F13B: variants seen among roughly 807,000 people sequenced by gnomAD.
The protein encoded by F13B is TGase.
A neutral mutation model predicts 79.8 loss-of-function variants in F13B; 58 were observed. That is an observed-to-expected ratio of 0.73 (90% CI 0.59 to 0.90). F13B has a LOEUF of 0.90. F13B is among the 40% of genes least tolerant of loss of function. The pLI, the probability that F13B is intolerant of heterozygous loss-of-function variation, is 0.00. For missense variants in F13B, 773 were observed against 777.0 expected, an observed-to-expected ratio of 0.99 and a Z score of 0.06; for synonymous variants, 283 against 260.3, an observed-to-expected ratio of 1.09 and a Z score of -0.84.
intron 1 of F13B, among the ~76,000 whole-genome samples, chr1:197,066,605 T>C (rs1321321614): frequency 2.6e-5 from 4 of 152,154 alleles, no homozygotes; most frequent in African/African-American, 9.7e-5. Context: ...CCTCTTTTAC[T>C]CTCTAAGTGT....
intron 1 of F13B, among the ~76,000 whole-genome samples, chr1:197,064,811 G>C (rs1655991844): frequency 6.6e-6 from 1 of 152,146 alleles, no homozygotes. Flanking sequence ...AGAAAGAAAT[G>C]CTCGAACAAT....
chr1:197,050,944 G>T, intron 9 of F13B, 65 bp from the exon 10 acceptor site: 1 of 1,361,084 alleles, frequency 7.3e-7, no homozygotes. Context: ...CTTTATAAGT[G>T]CTACAGAGAC....
At chr1:197,056,535 T>A (rs376280123) in intron 7 of F13B, among the ~76,000 whole-genome samples, 3 of 152,188 alleles carry the variant, frequency 2.0e-5, no homozygotes, top group East Asian at 3.9e-4. Context: ...CAGAAGGGCA[T>A]AAGGTTCAGA....
At position 197,052,646 on chromosome 1, in the gene F13B, A is replaced by G. The variant is rs192867209; in HGVS notation, c.1543T>C (p.Cys515Arg). The G allele has an allele frequency of 1.2e-5, 20 of 1,609,230 alleles. No homozygotes were observed. Among genetic ancestry groups the G allele is most frequent in the Non-Finnish European group, 1.6e-5 (19 of 1,176,802 alleles). Reference protein sequence around the residue: ...CNRGEVKYPLCTRKESKGMCT... With the variant: ...CNRGEVKYPLRTRKESKGMCT... ...ATTATTATTTTACCTTTTCTAGTAC[A>G]TAAAGGATATTTCACTTCTCCTCTG... Residue 515 changes from cysteine to arginine, a missense_variant, in exon 9 of 12, where the codon TGT (cysteine) becomes CGT (arginine). Transcript: ENST00000367412.
intron 10 of F13B, among the ~76,000 whole-genome samples, chr1:197,042,350 GT>G (rs1354707587): frequency 6.6e-6 from 1 of 152,096 alleles, no homozygotes; most frequent in Non-Finnish European, 1.5e-5. Context: ...AAATTTAAAA[GT>G]TGATTCATGG....
intron 8 of F13B, among the ~76,000 whole-genome samples, chr1:197,055,128 C>A (rs2125066405): frequency 6.6e-6 from 1 of 152,012 alleles, no homozygotes; most frequent in African/African-American, 2.4e-5. Context: ...ACCTCTGCAT[C>A]ATATCATAGC....
chr1:197,039,941 C>T (rs1033701498), intron 11 of F13B, among the ~76,000 whole-genome samples: 2 of 151,834 alleles, frequency 1.3e-5, no homozygotes, highest in South Asian at 4.2e-4. Context: ...ATAGTGTCTT[C>T]AAAAAGGGTT....
At chr1:197,049,148 C>A (rs993848025) in intron 10 of F13B, among the ~76,000 whole-genome samples, 9 of 151,702 alleles carry the variant, frequency 5.9e-5, no homozygotes, top group African/African-American at 1.9e-4. Flanking sequence ...TTTTTAAATT[C>A]ATGTATTAGA....
At chr1:197,066,608 C>T (rs1034410129) in intron 1 of F13B, among the ~76,000 whole-genome samples, 14 of 152,166 alleles carry the variant, frequency 9.2e-5, no homozygotes, top group African/African-American at 3.1e-4. Context: ...CTTTTACTCT[C>T]TAAGTGTCCC....
In F13B at chr1:197,039,339, G is replaced by C; in HGVS notation, c.*39C>G. On this transcript the variant is annotated 3_prime_UTR_variant, in exon 12 of 12. Transcript: ENST00000367412. ...AATTATATTTTATAAGGAATTTCATGATGTATTGAAATATGACTCCTCTTT... is the reference window on the plus strand; with the variant it reads ...AATTATATTTTATAAGGAATTTCATCATGTATTGAAATATGACTCCTCTTT... 6.6e-7 allele frequency: 1 copy of C among 1,509,188 alleles called. No homozygotes were observed. Among genetic ancestry groups the C allele is most frequent in the Non-Finnish European group, 9.2e-7 (1 of 1,088,720 alleles). The allele number at this position is 1,509,188 out of a possible 1,614,324, so 93.5% of individuals were successfully genotyped here.
intron 10 of F13B, among the ~76,000 whole-genome samples, chr1:197,041,315 A>G (rs946811540): frequency 2.0e-5 from 3 of 152,212 alleles, no homozygotes; most frequent in Admixed American, 6.5e-5. Flanking sequence ...CTAAGCATAC[A>G]AAGTATAGTT....
intron 10 of F13B, among the ~76,000 whole-genome samples, chr1:197,045,069 A>G (rs1655178831): frequency 1.3e-5 from 2 of 152,188 alleles, no homozygotes; most frequent in Admixed American, 6.5e-5. Context: ...AAGATCTAAA[A>G]TCGACACCCT....
At chr1:197,054,807 G>A (rs1278108055) in intron 8 of F13B, among the ~76,000 whole-genome samples, 2 of 151,900 alleles carry the variant, frequency 1.3e-5, no homozygotes, top group Non-Finnish European at 2.9e-5. Flanking sequence ...TTCACTTATG[G>A]TAGGGTTAAC....
intron 1 of F13B, among the ~76,000 whole-genome samples, chr1:197,063,763 TAC>T (rs1655953860): frequency 6.6e-6 from 1 of 152,200 alleles, no homozygotes. Context: ...GAAAATATTT[TAC>T]ATTCTTTTTT....
chr1:197,052,960 T>G (rs57571987), intron 8 of F13B, 126 bp from the exon 9 acceptor site: 1 of 549,816 alleles, frequency 1.8e-6, no homozygotes, highest in African/African-American at 2.1e-5. Flanking sequence ...TAATTAAGGC[T>G]TCTCTCACAC....
chr1:197,040,963 G>A (rs1225059958), intron 10 of F13B, among the ~76,000 whole-genome samples: 4 of 151,236 alleles, frequency 2.6e-5, no homozygotes, highest in African/African-American at 4.9e-5. Flanking sequence ...TTGGAGAAAA[G>A]GTATTTTCTT....
In F13B at chr1:197,061,902, T is replaced by C. The variant is rs5992; in HGVS notation, c.333A>G (p.Gln111=). ...ISDVKLLYKI[Q]ENMRYGCASG... is the part of the protein sequence containing the mutation. ...AAGCGCAACCATAACGCATGTTCTC[T>C]TGAATTTTATACAATAACTTTACAT... Residue 111 remains glutamine (Q), a synonymous_variant, in exon 3 of 12, where the codon CAA becomes CAG. Coordinates refer to ENST00000367412, the MANE Select transcript of F13B (RefSeq NM_001994.3). 44 of 1,612,934 alleles carry C rather than the reference T, an allele frequency of 2.7e-5. No individual in the cohort carries two copies. Among genetic ancestry groups the C allele is most frequent in the Middle Eastern group, 3.3e-4 (2 of 6,078 alleles).
intron 10 of F13B, among the ~76,000 whole-genome samples, chr1:197,050,181 T>C (rs1007269964): frequency 6.6e-6 from 1 of 152,090 alleles, no homozygotes; most frequent in Admixed American, 6.6e-5. Context: ...GAGAAGTAAA[T>C]AAAAGTCAGA....
intron 1 of F13B, 129 bp downstream of exon 1, chr1:197,067,031 T>C: frequency 2.1e-6 from 1 of 486,902 alleles, no homozygotes; most frequent in Non-Finnish European, 3.6e-6. Flanking sequence ...TATAAAAAGT[T>C]ATATTTATAA....
Sources: allele counts gnomAD v4.1 joint callset (sites outside exome capture counted in the v4.1 genomes callset), GRCh38; gene constraint gnomAD v4.1.1; transcripts MANE v1.5; gene names NCBI Gene and HGNC (gene_info 2026-07-23, HGNC 2026-07-21).